Variants in ETV1 observed in about 807,000 individuals in gnomAD.
ETV1 encodes the protein ETS translocation variant 1.
A neutral mutation model predicts 62.3 loss-of-function variants in ETV1; 27 were observed. The ratio of observed to expected loss-of-function variants is 0.43; its 90% CI spans 0.32 to 0.60. The LOEUF (loss-of-function observed/expected upper bound fraction) is 0.60. Ranked by LOEUF, ETV1 falls within the 20% of genes least tolerant of loss-of-function variation. The pLI is 0.06. For missense variants in ETV1, 605 were observed against 605.8 expected (o/e 1.00, Z 0.01); for synonymous variants, 222 against 199.6 (o/e 1.11, Z -0.94).
intron 13 of ETV1, among the ~76,000 whole-genome samples, chr7:13,899,366 T>A (rs190192672): frequency 6.6e-6 from 1 of 152,220 alleles, no homozygotes; most frequent in East Asian, 1.9e-4. Context: ...AGGAAGCAAC[T>A]GAAAATCGAA....
chr7:13,897,502 A>G (rs1283686494), intron 13 of ETV1, among the ~76,000 whole-genome samples: 3 of 152,184 alleles, frequency 2.0e-5, no homozygotes, highest in Admixed American at 6.5e-5. Flanking sequence ...AAGAATGAAC[A>G]TTTAGTAGTT....
intron 6 of ETV1, among the ~76,000 whole-genome samples, chr7:13,953,905 A>T (rs564292782): frequency 2.0e-5 from 3 of 152,330 alleles, no homozygotes; most frequent in Non-Finnish European, 2.9e-5. Context: ...GCATCTCAAG[A>T]TGGCTTATTC....
chr7:13,901,689 T>C (rs1782450377), intron 12 of ETV1, among the ~76,000 whole-genome samples: 1 of 152,204 alleles, frequency 6.6e-6, no homozygotes, highest in Admixed American at 6.5e-5. Flanking sequence ...AAATACTTTT[T>C]ATTGCCTAAA....
chr7:13,988,985 C>T, intron 3 of ETV1, 23 bp downstream of exon 3: 1 of 1,593,470 alleles, frequency 6.3e-7, no homozygotes, highest in Non-Finnish European at 8.6e-7. Context: ...TTATAAACAG[C>T]AACTTTCAAA....
intron 6 of ETV1, among the ~76,000 whole-genome samples, chr7:13,965,137 C>T (rs964495258): frequency 3.9e-5 from 6 of 152,168 alleles, no homozygotes; most frequent in Non-Finnish European, 5.9e-5. Context: ...CATTCTGGGG[C>T]CAAAACCTGT....
intron 9 of ETV1, among the ~76,000 whole-genome samples, chr7:13,931,002 G>C (rs576202598): frequency 1.3e-5 from 2 of 151,176 alleles, no homozygotes; most frequent in African/African-American, 4.9e-5. Flanking sequence ...GGGTTTCACC[G>C]TGTTAGCCAG....
At position 13,978,204 on chromosome 7, in the gene ETV1, T is replaced by C. The variant is rs909250895; in HGVS notation, c.182-724A>G. On this transcript the variant is annotated intron_variant, in intron 5 of 13. Coordinates refer to ENST00000430479, the MANE Select transcript of ETV1 (RefSeq NM_004956.5). ...TATCACTAGTTCGTCAGTCCTCATG[T>C]CAAAAGACGTTCCTATTTTTAGTCA... Among the ~76,000 whole-genome samples, 2 of 152,186 alleles carry C rather than the reference T, an allele frequency of 1.3e-5. 1 individual carries two copies. Among genetic ancestry groups the C allele is most frequent in the Admixed American group, 1.3e-4 (2 of 15,284 alleles).
At chr7:13,978,636 G>C (rs550883152) in intron 5 of ETV1, among the ~76,000 whole-genome samples, 1 of 151,704 alleles carries the variant, frequency 6.6e-6, no homozygotes, top group Non-Finnish European at 1.5e-5. Flanking sequence ...AAAATAAACA[G>C]TCTCTTTTGA....
rs143565833 is a variant in ETV1, at chr7:13,980,052, T to G, written c.182-2572A>C. ...AATCTGTAAAGAGTAAGAATAAGAA[T>G]TCCTATTTCTGTTCTAACTCCTTAA... On this transcript the variant is annotated intron_variant, in intron 5 of 13. Transcript: ENST00000430479. Among the ~76,000 whole-genome samples, 1,263 of 152,260 alleles carry G rather than the reference T, an allele frequency of 8.3e-3. 23 individuals are homozygous for G. The highest frequency in any genetic ancestry group is 0.029 in the African/African-American group (1,226 of 41,562).
intron 6 of ETV1, among the ~76,000 whole-genome samples, chr7:13,967,351 A>G (rs1780406133): frequency 6.6e-6 from 1 of 152,130 alleles, no homozygotes; most frequent in South Asian, 2.1e-4. Flanking sequence ...ACAAACCAAA[A>G]AAACTTCTTT....
chr7:13,973,949 G>C (rs1457902775), intron 6 of ETV1, among the ~76,000 whole-genome samples: 1 of 152,194 alleles, frequency 6.6e-6, no homozygotes, highest in East Asian at 1.9e-4. Context: ...AGGTGATCAT[G>C]AATGCAATGA....
At chr7:13,980,560 A>G (rs1781877222) in intron 5 of ETV1, among the ~76,000 whole-genome samples, 1 of 152,160 alleles carries the variant, frequency 6.6e-6, no homozygotes. Flanking sequence ...ACGAAGGGGA[A>G]GAGGAGGAAA....
chr7:13,911,332 A>C, intron 9 of ETV1, 25 bp from the exon 10 acceptor site: 2 of 1,569,462 alleles, frequency 1.3e-6, no homozygotes, highest in Non-Finnish European at 1.8e-6. Flanking sequence ...AATATTGGTC[A>C]AAAAGAGTCT....
At chr7:13,967,983 G>A (rs1466675821) in intron 6 of ETV1, among the ~76,000 whole-genome samples, 1 of 151,812 alleles carries the variant, frequency 6.6e-6, no homozygotes, top group Non-Finnish European at 1.5e-5. Context: ...TATAATATTT[G>A]GTTCTGCAAA....
At chr7:13,915,334 TA>T (rs1784032906) in intron 9 of ETV1, among the ~76,000 whole-genome samples, 1 of 152,198 alleles carries the variant, frequency 6.6e-6, no homozygotes, top group Non-Finnish European at 1.5e-5. Flanking sequence ...ATATACTCAG[TA>T]AAAAATGTGT....
rs1318416187 is a variant in ETV1, at chr7:13,894,788, A to G, written c.*1078T>C. On this transcript the variant is annotated 3_prime_UTR_variant, in exon 14 of 14. Coordinates refer to ENST00000430479, the MANE Select transcript of ETV1 (RefSeq NM_004956.5). ...CATTAGCATTATCTAATATTTATAT[A>G]TGTTATCAACATAACACAGCAGTAA... 8.6e-6 allele frequency: 2 copies of G among 232,596 alleles called. No homozygotes were observed. The highest frequency in any genetic ancestry group is 1.7e-5 in the Non-Finnish European group (2 of 117,484). The allele number at this position is 232,596 out of a possible 1,614,324, so 14.4% of individuals were successfully genotyped here.
At chr7:13,941,804 A>C (rs1787537142) in intron 6 of ETV1, among the ~76,000 whole-genome samples, 1 of 151,354 alleles carries the variant, frequency 6.6e-6, no homozygotes, top group Non-Finnish European at 1.5e-5. Context: ...CGCGAAGCAG[A>C]GTTTGCCGAG....
intron 9 of ETV1, among the ~76,000 whole-genome samples, chr7:13,922,436 A>G (rs1463610690): frequency 1.3e-5 from 2 of 152,218 alleles, no homozygotes; most frequent in Non-Finnish European, 2.9e-5. Flanking sequence ...TCAATGTGAA[A>G]ACACTGAATA....
At chr7:13,988,958 C>T in intron 3 of ETV1, 50 bp downstream of exon 3, 1 of 1,540,920 alleles carries the variant, frequency 6.5e-7, no homozygotes, top group Non-Finnish European at 8.9e-7. Flanking sequence ...CTCTCCCCAC[C>T]CCCGACGGAG....
Sources: allele counts gnomAD v4.1 joint callset (sites outside exome capture counted in the v4.1 genomes callset), GRCh38; gene constraint gnomAD v4.1.1; transcripts MANE v1.5; gene names NCBI Gene and HGNC (gene_info 2026-07-23, HGNC 2026-07-21).